CTNNA2: variants seen among roughly 807,000 people sequenced by gnomAD.
The protein encoded by CTNNA2 is catenin alpha-2.
In CTNNA2, 42 loss-of-function variants were observed where a neutral mutation model predicts 101.0. The ratio of observed to expected loss-of-function variants is 0.42; its 90% CI spans 0.32 to 0.54. The LOEUF is 0.54. Among genes scored for constraint, CTNNA2 ranks in the 20% least tolerant of loss-of-function variants. CTNNA2 has a pLI of 0.14. For missense variants in CTNNA2, 871 were observed against 1,223.1 expected (o/e 0.71, Z 4.29); for synonymous variants, 450 against 456.4 (o/e 0.99, Z 0.18).
intron 2 of CTNNA2, among the ~76,000 whole-genome samples, chr2:79,729,402 CTAAG>C (rs753644535): frequency 1.3e-5 from 2 of 152,070 alleles, no homozygotes; most frequent in Non-Finnish European, 2.9e-5. Context: ...CATTTGGCAC[CTAAG>C]TAAGAAATGG....
At chr2:80,090,146 C>CTCTG (rs1200774264) in intron 7 of CTNNA2, among the ~76,000 whole-genome samples, 6 of 140,626 alleles carry the variant, frequency 4.3e-5, no homozygotes, top group African/African-American at 7.8e-5. Flanking sequence ...CTCTCTCTCT[C>CTCTG]TGTGTGTGTG....
chr2:79,545,184 C>T (rs1035529089), intron 1 of CTNNA2, among the ~76,000 whole-genome samples: 1 of 152,114 alleles, frequency 6.6e-6, no homozygotes, highest in Non-Finnish European at 1.5e-5. Context: ...GTCCCAGCCT[C>T]CCTTACAGCT....
Position 80,271,582 on chromosome 2 carries a change from A to G in CTNNA2, c.1057-121629A>G, listed in dbSNP as rs576082255. Among the ~76,000 whole-genome samples, 44 of 152,142 alleles carry G rather than the reference A, an allele frequency of 2.9e-4. No individual in the cohort carries two copies. In the East Asian group the frequency reaches 7.6e-3, roughly 26 times the overall value. ...GACTACAGGCGCAAGCCACCACGCCAGGCTAATTTTTTTATATTTTTAGTA... is the reference window on the plus strand; with the variant it reads ...GACTACAGGCGCAAGCCACCACGCCGGGCTAATTTTTTTATATTTTTAGTA... On this transcript the variant is annotated intron_variant, in intron 7 of 18. Coordinates refer to ENST00000402739, the MANE Select transcript of CTNNA2 (RefSeq NM_001282597.3).
chr2:79,776,460 T>C (rs1240416285), intron 3 of CTNNA2, among the ~76,000 whole-genome samples: 4 of 152,156 alleles, frequency 2.6e-5, no homozygotes, highest in Non-Finnish European at 5.9e-5. Context: ...GGTAAATCAA[T>C]TGCATATGAG....
intron 3 of CTNNA2, among the ~76,000 whole-genome samples, chr2:79,850,240 CCT>C (rs1166482461): frequency 1.4e-5 from 2 of 145,946 alleles, no homozygotes; most frequent in South Asian, 2.3e-4. Context: ...TATCTCTCTC[CCT>C]CTGTTTCTCT....
At chr2:80,608,454 C>T in intron 17 of CTNNA2, 136 bp downstream of exon 17, 1 of 836,198 alleles carries the variant, frequency 1.2e-6, no homozygotes, top group African/African-American at 1.7e-5. Flanking sequence ...TAAATGTTAT[C>T]ACCATTATTC....
At chr2:79,830,835 C>T (rs1000277159) in intron 3 of CTNNA2, among the ~76,000 whole-genome samples, 1 of 152,196 alleles carries the variant, frequency 6.6e-6, no homozygotes, top group Non-Finnish European at 1.5e-5. Flanking sequence ...TGACACTTCT[C>T]AGAGATTTAC....
chr2:79,836,572 C>A (rs1360706461), intron 3 of CTNNA2, among the ~76,000 whole-genome samples: 2 of 152,114 alleles, frequency 1.3e-5, no homozygotes, highest in Non-Finnish European at 2.9e-5. Context: ...GGCTAGAAGT[C>A]CAAAATCAAG....
intron 1 of CTNNA2, among the ~76,000 whole-genome samples, chr2:79,575,221 T>C (rs544455333): frequency 6.6e-6 from 1 of 152,306 alleles, no homozygotes; most frequent in South Asian, 2.1e-4. Flanking sequence ...TATTTTTACA[T>C]GTTCACCCAG....
rs1268765657 is a variant in CTNNA2 at position 79,634,681 on chromosome 2, G to A, written c.-5-16871G>A. 2.6e-5 allele frequency: 4 copies of A among 152,280 alleles called. No homozygotes were observed. In the East Asian group the frequency reaches 7.7e-4, roughly 29 times the overall value. The allele number at this position is 152,280 out of a possible 1,614,324, so 9.4% of individuals were successfully genotyped here. On this transcript the variant is annotated intron_variant, in intron 1 of 18. Transcript: ENST00000402739. ...GGTCAAGAAGTGATGCCTGAGTTGA[G>A]TCTCAAAACATAACCAAAGTAAGTC...
intron 7 of CTNNA2, among the ~76,000 whole-genome samples, chr2:79,987,757 C>A (rs1465476915): frequency 6.6e-6 from 1 of 152,198 alleles, no homozygotes; most frequent in Non-Finnish European, 1.5e-5. Flanking sequence ...ACAACCATGT[C>A]TAAATGGCTA....
At chr2:79,377,294 A>G (rs1038147322) in intron 4 of CTNNA2, among the ~76,000 whole-genome samples, 34 of 152,318 alleles carry the variant, frequency 2.2e-4, no homozygotes, top group African/African-American at 7.2e-4. Flanking sequence ...AATAAGGAAA[A>G]GGCATAAAGT....
intron 9 of CTNNA2, among the ~76,000 whole-genome samples, chr2:80,484,898 C>T (rs1295755723): frequency 1.8e-4 from 27 of 151,998 alleles, no homozygotes; most frequent in African/African-American, 6.0e-4. Flanking sequence ...CCCAGCTACT[C>T]GGGAGGCTGA....
chr2:80,312,802 C>T (rs1677716918), intron 7 of CTNNA2, among the ~76,000 whole-genome samples: 1 of 152,190 alleles, frequency 6.6e-6, no homozygotes, highest in South Asian at 2.1e-4. Context: ...TAAGAACAGA[C>T]ATATTACTTT....
At chr2:80,619,374 C>A (rs1670857871) in intron 18 of CTNNA2, 146 bp downstream of exon 18, 1 of 852,864 alleles carries the variant, frequency 1.2e-6, no homozygotes. Flanking sequence ...CTTATTTATT[C>A]TTTATGTGGG....
chr2:80,446,313 C>G (rs1683064088), intron 9 of CTNNA2, among the ~76,000 whole-genome samples: 1 of 152,102 alleles, frequency 6.6e-6, no homozygotes, highest in South Asian at 2.1e-4. Context: ...GTTTATAAAG[C>G]TATCCAGATG....
At chr2:79,571,504 G>A (rs1486884485) in intron 1 of CTNNA2, among the ~76,000 whole-genome samples, 1 of 152,064 alleles carries the variant, frequency 6.6e-6, no homozygotes, top group Non-Finnish European at 1.5e-5. Flanking sequence ...TGTCTTTTCA[G>A]CTTTTAAACT....
chr2:79,202,077 G>C (rs1674042698), intron 2 of CTNNA2, among the ~76,000 whole-genome samples: 1 of 152,096 alleles, frequency 6.6e-6, no homozygotes, highest in African/African-American at 2.4e-5. Flanking sequence ...AGCCTCCATT[G>C]AATACACAAT....
chr2:80,457,821 G>C (rs1259683082), intron 9 of CTNNA2, among the ~76,000 whole-genome samples: 2 of 152,054 alleles, frequency 1.3e-5, no homozygotes, highest in Non-Finnish European at 2.9e-5. Context: ...TAGTATTTCT[G>C]CTTTCTAAGA....
Sources: gnomAD v4.1 joint callset for allele counts (sites outside exome capture counted in the v4.1 genomes callset) on GRCh38, gnomAD v4.1.1 for gene constraint, MANE v1.5 for transcripts, NCBI Gene and HGNC (gene_info 2026-07-23, HGNC 2026-07-21) for gene names.